DPP10: variants seen among roughly 807,000 people sequenced by gnomAD.
The protein encoded by DPP10 is inactive dipeptidyl peptidase 10.
Under a neutral mutation model 120.9 loss-of-function variants are expected in DPP10, and 33 were observed. That is an observed-to-expected ratio of 0.27 (90% confidence interval 0.21 to 0.37). The LOEUF (loss-of-function observed/expected upper bound fraction) is 0.37. Among genes scored for constraint, DPP10 ranks in the 10% least tolerant of loss-of-function variants. The pLI is 1.00. For synonymous variants in DPP10, 337 were observed against 326.1 expected, an observed-to-expected ratio of 1.03 and a Z score of -0.36; for missense variants, 816 against 942.8, an observed-to-expected ratio of 0.87 and a Z score of 1.76.
chr2:114,884,925 G>A (rs751767954), intron 1 of DPP10, among the ~76,000 whole-genome samples: 5 of 152,088 alleles, frequency 3.3e-5, no homozygotes, highest in Non-Finnish European at 5.9e-5. Context: ...CTTTAGACCT[G>A]GGTGACCATT....
At chr2:114,719,632 A>G (rs1034745613) in intron 1 of DPP10, among the ~76,000 whole-genome samples, 3 of 152,232 alleles carry the variant, frequency 2.0e-5, no homozygotes, top group African/African-American at 2.4e-5. Context: ...AAGATGTTGT[A>G]GGGACCAATT....
Position 114,801,273 on chromosome 2 carries a change from A to AAAAAAAAG in DPP10, c.60+358441_60+358442insAGAAAAAA, listed in dbSNP as rs1278761461. 9.3e-3 allele frequency among the ~76,000 whole-genome samples: 727 copies of AAAAAAAAG among 77,764 alleles called. 15 individuals carry two copies. The highest frequency in any genetic ancestry group is 0.026 in the African/African-American group (696 of 26,902). The allele number at this position is 77,764 out of a possible 152,430, so 51.0% of individuals were successfully genotyped here. A position where few individuals can be genotyped will look rare whatever the true frequency, so the allele number is the denominator to read the frequency against. ...ACGAGACTCTGTATCAAAAAAAAAA[A>AAAAAAAAG]AAAAAAGAAAAAAAGAAAGAAAGAA... On this transcript the variant is annotated intron_variant, in intron 1 of 25. Coordinates refer to ENST00000410059, the MANE Select transcript of DPP10 (RefSeq NM_020868.6).
intron 1 of DPP10, among the ~76,000 whole-genome samples, chr2:115,120,460 G>A (rs1332353219): frequency 1.5e-4 from 23 of 152,126 alleles, no homozygotes; most frequent in Non-Finnish European, 3.1e-4. Flanking sequence ...TTAAAGACAA[G>A]GAGCCTTCTA....
chr2:114,559,891 C>CAAAAAAAAAAAAAAAAAAAA (rs60833358), intron 1 of DPP10, among the ~76,000 whole-genome samples: 7 of 65,912 alleles, frequency 1.1e-4, no homozygotes, highest in Admixed American at 2.0e-4. Flanking sequence ...AGAAAAAAAG[C>CAAAAAAAAAAAAAAAAAAAA]AAAAAAAAAA....
chr2:114,749,091 C>T (rs543712282), intron 1 of DPP10, among the ~76,000 whole-genome samples: 3 of 144,522 alleles, frequency 2.1e-5, no homozygotes, highest in East Asian at 4.1e-4. Flanking sequence ...TGAATGATTG[C>T]CATTCTAACT....
At chr2:114,707,348 T>C (rs1384314566) in intron 1 of DPP10, among the ~76,000 whole-genome samples, 3 of 152,208 alleles carry the variant, frequency 2.0e-5, no homozygotes, top group East Asian at 1.9e-4. Context: ...TAATCAGATA[T>C]AAGAAGCATT....
At chr2:115,486,830 T>A (rs1478485389) in intron 3 of DPP10, among the ~76,000 whole-genome samples, 3 of 152,134 alleles carry the variant, frequency 2.0e-5, no homozygotes, top group South Asian at 4.1e-4. Flanking sequence ...ACATTTTAGC[T>A]ACAAATCAGA....
At chr2:115,824,484 C>G (rs556827854) in intron 21 of DPP10, among the ~76,000 whole-genome samples, 144 of 152,072 alleles carry the variant, frequency 9.5e-4, no homozygotes, top group African/African-American at 3.4e-3. Context: ...GCCCCACCCC[C>G]CAACAGGCAC....
chr2:115,146,913 T>G (rs146406567), intron 1 of DPP10, among the ~76,000 whole-genome samples: 120 of 152,244 alleles, frequency 7.9e-4, no homozygotes, highest in African/African-American at 2.8e-3. Context: ...GATCTTAGAC[T>G]TCACAGCCTG....
intron 5 of DPP10, among the ~76,000 whole-genome samples, chr2:115,558,465 G>A (rs145556756): frequency 1.1e-3 from 168 of 152,212 alleles, no homozygotes; most frequent in Middle Eastern, 6.8e-3. Flanking sequence ...ACATTTCAGC[G>A]TTTGCTAAAA....
At chr2:114,786,816 G>C (rs1377687680) in intron 1 of DPP10, among the ~76,000 whole-genome samples, 1 of 152,218 alleles carries the variant, frequency 6.6e-6, no homozygotes, top group African/African-American at 2.4e-5. Flanking sequence ...ACCTGGGCCA[G>C]CGCTGGCTGG....
rs535897180 is a variant in DPP10, at chr2:115,175,903, G to A, written c.61-133336G>A. On this transcript the variant is annotated intron_variant, in intron 1 of 25. Coordinates refer to ENST00000410059, the MANE Select transcript of DPP10 (RefSeq NM_020868.6). The stretch of plus-strand genomic sequence containing the variant: ...AGAACACTATCCAAACTTTAATGTG[G>A]GTATGAATCACTTGGGGATATTGCT... 2.0e-4 allele frequency among the ~76,000 whole-genome samples: 31 copies of A among 152,284 alleles called. No homozygotes were observed. The South Asian group carries it at 6.0e-3, about 30-fold the overall frequency.
intron 1 of DPP10, among the ~76,000 whole-genome samples, chr2:114,524,638 G>A (rs1163452307): frequency 1.3e-5 from 2 of 152,190 alleles, no homozygotes; most frequent in East Asian, 3.9e-4. Context: ...TATCTAGTGA[G>A]AAGAAAAAGA....
At chr2:114,884,889 G>C (rs1691927534) in intron 1 of DPP10, among the ~76,000 whole-genome samples, 1 of 152,086 alleles carries the variant, frequency 6.6e-6, no homozygotes. Context: ...TTTTATCAAA[G>C]AAAAACTACT....
chr2:115,128,867 G>A (rs1216834449), intron 1 of DPP10, among the ~76,000 whole-genome samples: 5 of 152,012 alleles, frequency 3.3e-5, no homozygotes, highest in East Asian at 1.9e-4. Context: ...ATTTTTACAC[G>A]TCGAGATCCT....
chr2:114,569,804 G>A (rs1017348530), intron 1 of DPP10, among the ~76,000 whole-genome samples: 13 of 152,110 alleles, frequency 8.5e-5, no homozygotes, highest in African/African-American at 2.9e-4. Context: ...TTAAACTAGA[G>A]TGATAAATCA....
chr2:115,011,053 G>T (rs1488948965), intron 1 of DPP10, among the ~76,000 whole-genome samples: 2 of 152,106 alleles, frequency 1.3e-5, no homozygotes, highest in African/African-American at 4.8e-5. Flanking sequence ...GGTTATTTAG[G>T]CATATCTTAT....
At chr2:114,684,591 C>A (rs548590886) in intron 1 of DPP10, among the ~76,000 whole-genome samples, 1 of 151,962 alleles carries the variant, frequency 6.6e-6, no homozygotes, top group African/African-American at 2.4e-5. Flanking sequence ...ACACATCAAA[C>A]AACCAGCCAG....
In DPP10 at chr2:114,557,217, G is replaced by A. The variant is rs919586738; in HGVS notation, c.60+114379G>A. ...GAACTTTTGCAAGAACGAGAGTGGG[G>A]AAGACTCTTCATGAGGCTGATAGGC... On this transcript the variant is annotated intron_variant, in intron 1 of 25. Coordinates refer to ENST00000410059, the MANE Select transcript of DPP10 (RefSeq NM_020868.6). Among the ~76,000 whole-genome samples, 8 of 152,076 alleles carry A rather than the reference G, an allele frequency of 5.3e-5. 1 individual carries two copies. The highest frequency in any genetic ancestry group is 1.2e-4 in the Non-Finnish European group (8 of 68,026).
Sources: allele counts gnomAD v4.1 joint callset (sites outside exome capture counted in the v4.1 genomes callset), GRCh38; gene constraint gnomAD v4.1.1; transcripts MANE v1.5; gene names NCBI Gene and HGNC (gene_info 2026-07-23, HGNC 2026-07-21).